NDST4: variants seen among roughly 807,000 people sequenced by gnomAD.
The protein encoded by NDST4 is N-deacetylase and N-sulfotransferase 4.
In NDST4, 63 loss-of-function variants were observed where a neutral mutation model predicts 100.8. The ratio of observed to expected loss-of-function variants is 0.62; its 90% CI spans 0.51 to 0.77. NDST4 has a LOEUF of 0.77. Among genes scored for constraint, NDST4 ranks in the 30% least tolerant of loss-of-function variants. The pLI is 0.00. For missense variants in NDST4, 943 were observed against 1,018.4 expected (o/e 0.93, Z 1.01); for synonymous variants, 377 against 361.8 (o/e 1.04, Z -0.48).
At chr4:115,044,696 A>C (rs960192507) in intron 2 of NDST4, among the ~76,000 whole-genome samples, 1 of 139,462 alleles carries the variant, frequency 7.2e-6, no homozygotes, top group Non-Finnish European at 1.5e-5. Flanking sequence ...AGTCAGCAGG[A>C]AGGAAAAAGG....
At chr4:114,895,494 T>C (rs987516861) in intron 6 of NDST4, among the ~76,000 whole-genome samples, 1 of 152,124 alleles carries the variant, frequency 6.6e-6, no homozygotes, top group Non-Finnish European at 1.5e-5. Context: ...CAGTAATTAA[T>C]AGCCTACCAA....
chr4:114,841,739 G>A (rs2126184229), intron 10 of NDST4, among the ~76,000 whole-genome samples: 1 of 152,274 alleles, frequency 6.6e-6, no homozygotes, highest in East Asian at 1.9e-4. Flanking sequence ...TGCAATGAGT[G>A]TTCACAAACT....
rs536371669 is a variant in NDST4 at position 115,015,977 on chromosome 4, C to T, written c.979-38703G>A. Among the ~76,000 whole-genome samples, 3 of 152,106 alleles carry T rather than the reference C, an allele frequency of 2.0e-5. No individual in the cohort carries two copies. The East Asian group carries it at 5.8e-4, about 29-fold the overall frequency. On this transcript the variant is annotated intron_variant, in intron 2 of 13. Transcript: ENST00000264363. ...AGCATGGAAGGAGCAGCATTTTGTT[C>T]TTACTGAAATAGACATTCTGGATAT...
intron 2 of NDST4, among the ~76,000 whole-genome samples, chr4:115,024,142 T>G (rs1423088108): frequency 1.3e-5 from 2 of 152,104 alleles, no homozygotes; most frequent in Non-Finnish European, 2.9e-5. Flanking sequence ...AAGAGCCACT[T>G]CACACAGCCC....
rs148362047 is a variant in NDST4, at chr4:115,012,541, T to G, written c.979-35267A>C. On this transcript the variant is annotated intron_variant, in intron 2 of 13. Coordinates refer to ENST00000264363, the MANE Select transcript of NDST4 (RefSeq NM_022569.3). The stretch of plus-strand genomic sequence containing the variant: ...AATAAACAGTTAATATTGAAGTATG[T>G]TTTTACTCCATGAATTTTAATATAA... 4.8e-4 allele frequency among the ~76,000 whole-genome samples: 73 copies of G among 152,150 alleles called. No homozygotes were observed. In the East Asian group the frequency reaches 0.013, roughly 27 times the overall value.
Position 114,939,495 on chromosome 4 carries a change from A to G in NDST4, c.1222-1992T>C, listed in dbSNP as rs78571129. Among the ~76,000 whole-genome samples, 547 of 152,320 alleles carry G rather than the reference A, an allele frequency of 3.6e-3. 2 individuals carry two copies. Among genetic ancestry groups the G allele is most frequent in the African/African-American group, 0.013 (534 of 41,566 alleles). The stretch of plus-strand genomic sequence containing the variant: ...ATCACTTTGTTAGTCCTCATTCTCT[A>G]TAACTGTATAAATTTGACTCTAAAT... On this transcript the variant is annotated intron_variant, in intron 4 of 13. Coordinates refer to ENST00000264363, the MANE Select transcript of NDST4 (RefSeq NM_022569.3).
At position 114,992,463 on chromosome 4, in the gene NDST4, G is replaced by T. The variant is rs185034389; in HGVS notation, c.979-15189C>A. On this transcript the variant is annotated intron_variant, in intron 2 of 13. Transcript: ENST00000264363. ...ACACATTACTCTTAATTAAAGTTCC[G>T]AATTTACATTAGGATTCACTGGGTT... Among the ~76,000 whole-genome samples, 13 of 151,148 alleles carry T rather than the reference G, an allele frequency of 8.6e-5. 1 individual carries two copies. Among genetic ancestry groups the T allele is most frequent in the Non-Finnish European group, 1.5e-4 (10 of 67,756 alleles).
At chr4:115,088,858 T>G (rs1248353880) in intron 1 of NDST4, among the ~76,000 whole-genome samples, 1 of 152,090 alleles carries the variant, frequency 6.6e-6, no homozygotes, top group Non-Finnish European at 1.5e-5. Context: ...TGGATAAAAC[T>G]ACCTCAAAAA....
At chr4:114,830,295 A>G (rs1723167420) in intron 12 of NDST4, among the ~76,000 whole-genome samples, 1 of 152,228 alleles carries the variant, frequency 6.6e-6, no homozygotes, top group Admixed American at 6.5e-5. Flanking sequence ...ATTTGAAATC[A>G]TTCACTGGTA....
chr4:115,010,198 C>T (rs369414005), intron 2 of NDST4, among the ~76,000 whole-genome samples: 3 of 127,098 alleles, frequency 2.4e-5, no homozygotes, highest in African/African-American at 9.0e-5. Flanking sequence ...ATATACCCAA[C>T]GGACTATAAA....
intron 1 of NDST4, among the ~76,000 whole-genome samples, chr4:115,082,147 C>T (rs1729317948): frequency 1.3e-5 from 2 of 151,984 alleles, no homozygotes. Context: ...TTATTTTTAC[C>T]TTCTATCCTT....
intron 2 of NDST4, among the ~76,000 whole-genome samples, chr4:115,009,611 G>C (rs1383247487): frequency 1.6e-5 from 2 of 124,532 alleles, no homozygotes; most frequent in Non-Finnish European, 3.4e-5. Context: ...TTACCATTCA[G>C]GACATAGGCA....
At position 114,994,036 on chromosome 4, in the gene NDST4, GA is replaced by G. The variant is rs571719569; in HGVS notation, c.979-16763del. On this transcript the variant is annotated intron_variant, in intron 2 of 13. Transcript: ENST00000264363. ...AACACATTTGTATAAATTCCAAAAA[GA>G]ATATCTGACTTTCTGATAGAGTATT... 6.0e-3 allele frequency among the ~76,000 whole-genome samples: 913 copies of G among 151,982 alleles called. 3 individuals are homozygous for G. Among genetic ancestry groups the G allele is most frequent in the Non-Finnish European group, 9.5e-3 (646 of 67,866 alleles).
chr4:114,871,200 A>T (rs1025263090), intron 6 of NDST4, among the ~76,000 whole-genome samples: 7 of 152,156 alleles, frequency 4.6e-5, no homozygotes, highest in Non-Finnish European at 1.0e-4. Flanking sequence ...TTTGCATATC[A>T]GTTTTGCTTA....
chr4:114,935,729 G>A lies in NDST4; in HGVS notation c.1408-395C>T, dbSNP rs567499209. On this transcript the variant is annotated intron_variant, in intron 5 of 13. Coordinates refer to ENST00000264363, the MANE Select transcript of NDST4 (RefSeq NM_022569.3). Reference sequence around the variant, plus strand: ...TGAAATCGAGTCCTGCATTGTAAAGGTATGCAGGTTCTGGGATTTACCACA... The same window carrying A: ...TGAAATCGAGTCCTGCATTGTAAAGATATGCAGGTTCTGGGATTTACCACA... Among the ~76,000 whole-genome samples the A allele has an allele frequency of 4.2e-3, 646 of 152,224 alleles. 7 individuals are homozygous for A. The highest frequency in any genetic ancestry group is 0.027 in the Middle Eastern group (8 of 294).
chr4:114,859,252 C>A (rs959826143), intron 7 of NDST4, among the ~76,000 whole-genome samples: 1 of 152,176 alleles, frequency 6.6e-6, no homozygotes, highest in Admixed American at 6.6e-5. Context: ...CTATCTGACC[C>A]ACCCAGTATT....
intron 4 of NDST4, among the ~76,000 whole-genome samples, chr4:114,956,732 T>C (rs191903750): frequency 4.6e-5 from 7 of 150,686 alleles, no homozygotes; most frequent in East Asian, 4.2e-4. Flanking sequence ...AGGAGTAACA[T>C]TGAGGCTGCA....
intron 6 of NDST4, among the ~76,000 whole-genome samples, chr4:114,929,850 C>T (rs1179665943): frequency 6.6e-6 from 1 of 152,110 alleles, no homozygotes; most frequent in Non-Finnish European, 1.5e-5. Flanking sequence ...TAATCCATGT[C>T]TTTATTGACA....
intron 2 of NDST4, among the ~76,000 whole-genome samples, chr4:115,004,483 T>C (rs563883355): frequency 1.3e-5 from 2 of 152,322 alleles, no homozygotes; most frequent in African/African-American, 2.4e-5. Flanking sequence ...TCTTAAGCTT[T>C]GGGTGCACTA....
Sources: gnomAD v4.1 joint callset for allele counts (sites outside exome capture counted in the v4.1 genomes callset) on GRCh38, gnomAD v4.1.1 for gene constraint, MANE v1.5 for transcripts, NCBI Gene and HGNC (gene_info 2026-07-23, HGNC 2026-07-21) for gene names.